PRIM2: variants seen among roughly 807,000 people sequenced by gnomAD.
PRIM2 encodes the protein DNA primase large subunit.
PRIM2 carries 39 observed loss-of-function variants against 67.3 expected under a neutral mutation model. That is an observed-to-expected ratio of 0.58 (90% confidence interval 0.45 to 0.76). PRIM2 has a LOEUF of 0.76. Among genes scored for constraint, PRIM2 ranks in the 30% least tolerant of loss-of-function variants. The pLI, the probability that PRIM2 is intolerant of heterozygous loss-of-function variation, is 0.00. For synonymous variants in PRIM2, 143 were observed against 198.7 expected (o/e 0.72, Z 2.36); for missense variants, 398 against 598.7 (o/e 0.66, Z 3.50).
upstream of PRIM2, among the ~76,000 whole-genome samples, chr6:57,313,483 T>G (rs780831916): frequency 1.3e-5 from 2 of 152,132 alleles, no homozygotes; most frequent in African/African-American, 4.8e-5. Flanking sequence ...TATGGAAGGG[T>G]AGTGTTTCTT....
Position 57,383,369 on chromosome 6 carries a change from A to C in PRIM2, c.693+1201A>C, listed in dbSNP as rs569986294. On this transcript the variant is annotated intron_variant, in intron 7 of 13. Transcript: ENST00000615550. ...TATTGGATAGTTTTAGCTGTCATCT[A>C]TTAAATGCTGGTGGTGGACCCCAGT... The C allele has an allele frequency of 1.3e-4, 20 of 152,296 alleles. No homozygotes were observed. The East Asian group carries it at 2.9e-3, about 22-fold the overall frequency. The allele number at this position is 152,296 out of a possible 1,614,324, so 9.4% of individuals were successfully genotyped here.
At chr6:57,376,045 A>T (rs1249331005) in intron 5 of PRIM2, among the ~76,000 whole-genome samples, 1 of 152,164 alleles carries the variant, frequency 6.6e-6, no homozygotes, top group African/African-American at 2.4e-5. Context: ...CATCTCTATA[A>T]GAAAAAATAT....
chr6:57,319,515 G>C (rs1767581491), intron 2 of PRIM2, among the ~76,000 whole-genome samples: 1 of 152,202 alleles, frequency 6.6e-6, no homozygotes, highest in African/African-American at 2.4e-5. Context: ...GTTTTAGAAA[G>C]CTTAGCAGTG....
intron 7 of PRIM2, among the ~76,000 whole-genome samples, chr6:57,406,003 A>G (rs1447953298): frequency 6.6e-6 from 1 of 152,238 alleles, no homozygotes; most frequent in Non-Finnish European, 1.5e-5. Flanking sequence ...TGTGTGGTCA[A>G]TAAAAAGAGA....
At chr6:57,298,404 G>GT in the PRIM2 span, among the ~76,000 whole-genome samples, 6 of 151,916 alleles carry the variant, frequency 3.9e-5, no homozygotes, top group Non-Finnish European at 7.4e-5. Context: ...TTAGAAATTA[G>GT]TTTTTTAAAA....
chr6:57,411,818 A>G (rs541890973), intron 7 of PRIM2, among the ~76,000 whole-genome samples: 1 of 151,326 alleles, frequency 6.6e-6, no homozygotes, highest in East Asian at 1.9e-4. Flanking sequence ...GGTAATGCTG[A>G]CCTTGTTAAT....
intron 7 of PRIM2, among the ~76,000 whole-genome samples, chr6:57,401,374 G>A (rs1411374640): frequency 1.3e-5 from 2 of 152,092 alleles, no homozygotes; most frequent in African/African-American, 4.8e-5. Context: ...TTAAGAGGAG[G>A]GTATATTAGC....
chr6:57,509,715 C>T (rs1554347529), intron 8 of PRIM2, among the ~76,000 whole-genome samples: 57 of 151,846 alleles, frequency 3.8e-4, no homozygotes, highest in African/African-American at 1.1e-3. Flanking sequence ...CTCACCCCTA[C>T]GGCCTTACAA....
At chr6:57,418,388 T>G (rs75453473) in intron 7 of PRIM2, among the ~76,000 whole-genome samples, 1,488 of 70,798 alleles carry the variant, frequency 0.021, 195 homozygotes, top group South Asian at 0.066. Flanking sequence ...GTGTGGTTTT[T>G]TTTTTTTTTT....
At chr6:57,352,441 A>G (rs1768888080) in intron 5 of PRIM2, among the ~76,000 whole-genome samples, 1 of 152,058 alleles carries the variant, frequency 6.6e-6, no homozygotes. Flanking sequence ...GGGTTTCACC[A>G]TGTTGGCCAG....
At chr6:57,307,410 C>T in the PRIM2 span, among the ~76,000 whole-genome samples, 312 of 151,570 alleles carry the variant, frequency 2.1e-3, 3 homozygotes, top group South Asian at 0.024. Context: ...CCCGCCACCA[C>T]ACCTGGCTAA....
intron 9 of PRIM2, 69 bp from the exon 10 acceptor site, chr6:57,537,371 T>C: frequency 1.3e-6 from 1 of 759,962 alleles, no homozygotes; most frequent in Non-Finnish European, 2.0e-6. Context: ...TTAGGAACCA[T>C]AACAAATATT....
At chr6:57,501,188 G>A (rs1554346822) in intron 7 of PRIM2, among the ~76,000 whole-genome samples, 62 of 152,222 alleles carry the variant, frequency 4.1e-4, no homozygotes, top group Admixed American at 1.7e-3. Flanking sequence ...ATTTAAGAGG[G>A]AAGTCTAAAA....
At chr6:57,322,623 G>C (rs4715653) in intron 3 of PRIM2, among the ~76,000 whole-genome samples, 1 of 151,872 alleles carries the variant, frequency 6.6e-6, no homozygotes, top group Non-Finnish European at 1.5e-5. Flanking sequence ...GTTTCCTGAG[G>C]TCTCCCCAGC....
chr6:57,238,707 T>C, the PRIM2 span, among the ~76,000 whole-genome samples: 1 of 152,024 alleles, frequency 6.6e-6, no homozygotes, highest in African/African-American at 2.4e-5. Flanking sequence ...AAGAAATAAC[T>C]AAGATCAGAG....
At chr6:57,595,384 G>A (rs1776347687) in intron 10 of PRIM2, among the ~76,000 whole-genome samples, 1 of 152,090 alleles carries the variant, frequency 6.6e-6, no homozygotes. Flanking sequence ...CAGATGTGTG[G>A]ATTTTTCTCA....
intron 12 of PRIM2, among the ~76,000 whole-genome samples, chr6:57,607,751 C>G (rs1239754954): frequency 6.6e-6 from 1 of 151,880 alleles, no homozygotes; most frequent in African/African-American, 2.4e-5. Flanking sequence ...AAAGGATCAC[C>G]TTTTTGAAAA....
chr6:57,359,561 T>C (rs1048156641), intron 5 of PRIM2, among the ~76,000 whole-genome samples: 1 of 152,230 alleles, frequency 6.6e-6, no homozygotes. Context: ...TATTTTAAAC[T>C]GTTAAGTTTT....
At chr6:57,354,902 G>A in intron 5 of PRIM2, among the ~76,000 whole-genome samples, 1 of 152,180 alleles carries the variant, frequency 6.6e-6, no homozygotes, top group Admixed American at 6.5e-5. Context: ...TGGTCCTTTG[G>A]GTCTTTGACT....
Sources: gnomAD v4.1 joint callset for allele counts (sites outside exome capture counted in the v4.1 genomes callset) on GRCh38, gnomAD v4.1.1 for gene constraint, MANE v1.5 for transcripts, NCBI Gene and HGNC (gene_info 2026-07-23, HGNC 2026-07-21) for gene names.